Variants in PTPRD observed in about 807,000 individuals in gnomAD.
The protein encoded by PTPRD is protein tyrosine phosphatase receptor type D, also known as receptor-type tyrosine-protein phosphatase delta.
In PTPRD, 34 loss-of-function variants were observed where a neutral mutation model predicts 214.5. The ratio of observed to expected loss-of-function variants is 0.16; its 90% CI spans 0.12 to 0.21. The LOEUF is 0.21. PTPRD is among the 10% of genes least tolerant of loss of function. PTPRD has a pLI of 1.00. For synonymous variants in PTPRD, 1,128 were observed against 845.7 expected (o/e 1.33, Z -5.79); for missense variants, 2,545 against 2,398.7 (o/e 1.06, Z -1.27).
At chr9:9,056,902 T>G (rs906445430) in intron 10 of PTPRD, among the ~76,000 whole-genome samples, 2 of 152,226 alleles carry the variant, frequency 1.3e-5, no homozygotes, top group African/African-American at 4.8e-5. Context: ...ATGCTTACAT[T>G]GAGACTGCAA....
intron 5 of PTPRD, among the ~76,000 whole-genome samples, chr9:9,883,759 A>T (rs2069695827): frequency 6.6e-6 from 1 of 152,176 alleles, no homozygotes; most frequent in Non-Finnish European, 1.5e-5. Flanking sequence ...TTAGCCGTAT[A>T]CTGTGAAATT....
intron 8 of PTPRD, among the ~76,000 whole-genome samples, chr9:9,564,415 G>A (rs549311454): frequency 1.3e-5 from 2 of 152,042 alleles, no homozygotes; most frequent in African/African-American, 4.8e-5. Context: ...TTGGCATGAG[G>A]AATGCAGGGG....
chr9:9,685,809 C>CT (rs2097156860), intron 7 of PTPRD, among the ~76,000 whole-genome samples: 1 of 151,124 alleles, frequency 6.6e-6, no homozygotes, highest in Non-Finnish European at 1.5e-5. Flanking sequence ...TATTCTATTT[C>CT]TTTTTTAGTA....
intron 7 of PTPRD, among the ~76,000 whole-genome samples, chr9:9,576,000 G>A (rs143085194): frequency 0.014 from 2,068 of 152,026 alleles, 27 homozygotes; most frequent in Non-Finnish European, 0.019. Context: ...ATAAATGACT[G>A]GTAGGTCTAC....
At chr9:9,415,984 G>A (rs1438695622) in intron 8 of PTPRD, among the ~76,000 whole-genome samples, 4 of 152,158 alleles carry the variant, frequency 2.6e-5, no homozygotes, top group African/African-American at 9.7e-5. Flanking sequence ...TTTATTTACA[G>A]GATAGGATAG....
chr9:9,627,264 G>C (rs887887367), intron 7 of PTPRD, among the ~76,000 whole-genome samples: 42 of 152,182 alleles, frequency 2.8e-4, no homozygotes, highest in African/African-American at 8.9e-4. Context: ...CCGAGATTGG[G>C]CCACTTCACT....
intron 3 of PTPRD, among the ~76,000 whole-genome samples, chr9:10,202,700 G>A (rs1430388954): frequency 5.9e-4 from 36 of 61,124 alleles, no homozygotes; most frequent in East Asian, 1.6e-3. Context: ...ATATATATAT[G>A]CACCAGTGAA....
intron 39 of PTPRD, among the ~76,000 whole-genome samples, chr9:8,375,207 A>G (rs1322114939): frequency 1.3e-5 from 2 of 152,150 alleles, no homozygotes; most frequent in East Asian, 3.9e-4. Context: ...ATGATACTTA[A>G]GAGGCACTCA....
intron 8 of PTPRD, among the ~76,000 whole-genome samples, chr9:9,555,500 A>ATGC (rs2081299589): frequency 6.6e-6 from 1 of 152,118 alleles, no homozygotes; most frequent in African/African-American, 2.4e-5. Flanking sequence ...ACACACACAT[A>ATGC]AACATATACA....
chr9:9,882,176 T>C (rs747903435), intron 5 of PTPRD, among the ~76,000 whole-genome samples: 6 of 152,124 alleles, frequency 3.9e-5, no homozygotes, highest in Non-Finnish European at 7.4e-5. Flanking sequence ...GTTTCTCTCC[T>C]CCAACATGCC....
chr9:8,843,135 A>G (rs1441949265), intron 11 of PTPRD, among the ~76,000 whole-genome samples: 2 of 152,194 alleles, frequency 1.3e-5, no homozygotes, highest in African/African-American at 2.4e-5. Context: ...AATCACTTGG[A>G]AAGCAACAGA....
At chr9:9,502,037 C>G (rs2096433848) in intron 8 of PTPRD, among the ~76,000 whole-genome samples, 1 of 151,752 alleles carries the variant, frequency 6.6e-6, no homozygotes, top group Admixed American at 6.6e-5. Flanking sequence ...CATACACACC[C>G]ATGAAACCAC....
At chr9:9,146,791 A>C (rs1413479082) in intron 10 of PTPRD, among the ~76,000 whole-genome samples, 1 of 152,172 alleles carries the variant, frequency 6.6e-6, no homozygotes, top group African/African-American at 2.4e-5. Context: ...TTTACCAATA[A>C]AAATGACCCT....
chr9:10,184,661 T>C (rs1008729454), intron 3 of PTPRD, among the ~76,000 whole-genome samples: 2 of 152,210 alleles, frequency 1.3e-5, no homozygotes, highest in Non-Finnish European at 2.9e-5. Flanking sequence ...AGAACCATCA[T>C]ACTCTTAGTT....
chr9:8,826,632 C>CTTT (rs33934836), intron 11 of PTPRD, among the ~76,000 whole-genome samples: 62,135 of 144,932 alleles, frequency 0.43, 13,851 homozygotes, highest in African/African-American at 0.55. Context: ...CAGGCACCAT[C>CTTT]TTTTTTTTTT....
intron 5 of PTPRD, among the ~76,000 whole-genome samples, chr9:9,845,249 A>G (rs1195429894): frequency 6.9e-6 from 1 of 144,370 alleles, no homozygotes; most frequent in Non-Finnish European, 1.5e-5. Flanking sequence ...GATCTTAACA[A>G]TTCTATTTAG....
intron 9 of PTPRD, among the ~76,000 whole-genome samples, chr9:9,243,907 T>A (rs199657384): frequency 2.0e-5 from 3 of 152,156 alleles, no homozygotes; most frequent in Non-Finnish European, 4.4e-5. Context: ...TCTCAGCCCA[T>A]AATCTCCTTA....
At chr9:10,325,554 T>C (rs1171466684) in intron 3 of PTPRD, among the ~76,000 whole-genome samples, 1 of 151,954 alleles carries the variant, frequency 6.6e-6, no homozygotes, top group Non-Finnish European at 1.5e-5. Context: ...CTAAACAATA[T>C]CTCTGATTTA....
intron 5 of PTPRD, among the ~76,000 whole-genome samples, chr9:9,927,279 C>A (rs2084666732): frequency 6.6e-6 from 1 of 152,042 alleles, no homozygotes; most frequent in Non-Finnish European, 1.5e-5. Context: ...CACTTAAAAC[C>A]CACCTAAATC....
Sources: allele counts gnomAD v4.1 joint callset (sites outside exome capture counted in the v4.1 genomes callset), GRCh38; gene constraint gnomAD v4.1.1; transcripts MANE v1.5; gene names NCBI Gene and HGNC (gene_info 2026-07-23, HGNC 2026-07-21).